Variants in SMARCA2 observed in about 807,000 individuals in gnomAD.
The protein encoded by SMARCA2 is SWI/SNF-related matrix-associated actin-dependent regulator of chromatin subfamily A member 2.
Under a neutral mutation model 199.8 loss-of-function variants are expected in SMARCA2, and 61 were observed. The ratio of observed to expected loss-of-function variants is 0.31; its 90% confidence interval spans 0.25 to 0.38. The LOEUF (loss-of-function observed/expected upper bound fraction) is 0.38, where lower values mean the gene tolerates loss of function less well. Among genes scored for constraint, SMARCA2 ranks in the 10% least tolerant of loss-of-function variants. The probability of loss-of-function intolerance (pLI) is 1.00; values close to 1 mark genes in which losing one functional copy is unlikely to be tolerated. For missense variants in SMARCA2, 1,344 were observed against 2,012.2 expected, an observed-to-expected ratio of 0.67 and a Z score of 6.35; for synonymous variants, 935 against 732.0, an observed-to-expected ratio of 1.28 and a Z score of -4.48.
At position 2,123,394 on chromosome 9, in the gene SMARCA2, G is replaced by A. The variant is rs1209691168; in HGVS notation, c.3763-325G>A. Among the ~76,000 whole-genome samples, 5 of 152,184 alleles carry A rather than the reference G, an allele frequency of 3.3e-5. No individual in the cohort carries two copies. The highest frequency in any genetic ancestry group is 1.5e-5 in the Non-Finnish European group (1 of 68,028). ...AGCCAAGAGGTCATATTTTTAAAAT[G>A]CATTCCCAATTTGAATTTTTCCACT... On this transcript the variant is annotated intron_variant, in intron 26 of 33. Transcript: ENST00000349721. The surrounding 1 kb of genome is among the most constrained non-coding windows in gnomAD (Gnocchi z 4.1).
intron 1 of SMARCA2, among the ~76,000 whole-genome samples, chr9:2,020,285 T>C (rs1350303135): frequency 6.6e-6 from 1 of 152,148 alleles, no homozygotes; most frequent in African/African-American, 2.4e-5. Flanking sequence ...AATATTGTGT[T>C]TTGGAGATGT....
chr9:2,039,080 T>C lies in SMARCA2; in HGVS notation c.356-386T>C, dbSNP rs1819460582. On this transcript the variant is annotated intron_variant, in intron 3 of 33. Transcript: ENST00000349721. The surrounding 1 kb of genome is among the most constrained non-coding windows in gnomAD (Gnocchi z 4.8). ...CACTTGAAGTGTGGTTAGTTCGAAT[T>C]GAGATGTCCTTTAAGTGTAAAATAT... Among the ~76,000 whole-genome samples, 1 of 152,140 alleles carries C rather than the reference T, an allele frequency of 6.6e-6. No homozygotes were observed. The highest frequency in any genetic ancestry group is 2.1e-4 in the South Asian group (1 of 4,822).
chr9:2,083,961 C>T (rs1488135246), intron 16 of SMARCA2, 125 bp from the exon 17 acceptor site: 1 of 617,920 alleles, frequency 1.6e-6, no homozygotes, highest in Non-Finnish European at 2.9e-6. Flanking sequence ...ATAGATCAGT[C>T]TATGAGAATG....
chr9:2,100,478 G>T (rs1226932718), intron 21 of SMARCA2, among the ~76,000 whole-genome samples: 1 of 152,056 alleles, frequency 6.6e-6, no homozygotes, highest in African/African-American at 2.4e-5. Flanking sequence ...AAGGCAAGCA[G>T]GTCACTTGAG....
At chr9:2,155,720 CTTTTTTT>C (rs59156319) in intron 27 of SMARCA2, among the ~76,000 whole-genome samples, 1 of 53,152 alleles carries the variant, frequency 1.9e-5, no homozygotes, top group African/African-American at 6.5e-5. Context: ...AAGAGAAAAC[CTTTTTTT>C]TTTTTTTTTT....
At chr9:2,189,584 C>T (rs1827735853) in intron 32 of SMARCA2, among the ~76,000 whole-genome samples, 1 of 152,048 alleles carries the variant, frequency 6.6e-6, no homozygotes, top group Non-Finnish European at 1.5e-5. Context: ...CTTTCGACGT[C>T]CTACATCTTT....
intron 19 of SMARCA2, among the ~76,000 whole-genome samples, chr9:2,093,007 C>T (rs1001245421): frequency 1.3e-5 from 2 of 152,160 alleles, no homozygotes; most frequent in African/African-American, 4.8e-5. Flanking sequence ...TCAGTCCATC[C>T]CTTTTCTTGA....
chr9:2,085,427 T>C (rs953301848), intron 17 of SMARCA2, among the ~76,000 whole-genome samples: 1 of 152,194 alleles, frequency 6.6e-6, no homozygotes, highest in African/African-American at 2.4e-5. Flanking sequence ...GAAGACCTAA[T>C]TAGTAGTAGA....
At chr9:2,176,182 G>GTTT (rs56186732) in intron 29 of SMARCA2, among the ~76,000 whole-genome samples, 41 of 104,050 alleles carry the variant, frequency 3.9e-4, no homozygotes, top group Admixed American at 4.7e-4. Flanking sequence ...CGCCCGGCCT[G>GTTT]TTTTTTTTTT....
intron 27 of SMARCA2, among the ~76,000 whole-genome samples, chr9:2,152,318 G>C (rs191418783): frequency 3.3e-5 from 5 of 152,284 alleles, no homozygotes; most frequent in African/African-American, 1.2e-4. Context: ...TTGGGTGGCC[G>C]GGGCAGGTGG....
chr9:2,189,699 A>C (rs1159680636), intron 32 of SMARCA2, among the ~76,000 whole-genome samples: 1 of 152,002 alleles, frequency 6.6e-6, no homozygotes, highest in Non-Finnish European at 1.5e-5. Flanking sequence ...GTCAAGCAGC[A>C]GACAGTGGGT....
intron 19 of SMARCA2, among the ~76,000 whole-genome samples, chr9:2,088,818 G>A (rs1357605554): frequency 1.3e-5 from 2 of 150,888 alleles, no homozygotes; most frequent in Admixed American, 1.3e-4. Context: ...TTCCAAAAGC[G>A]TTCGAGCAGA....
intron 31 of SMARCA2, among the ~76,000 whole-genome samples, chr9:2,184,204 T>A (rs1402967168): frequency 6.6e-6 from 1 of 152,192 alleles, no homozygotes; most frequent in Admixed American, 6.5e-5. Flanking sequence ...TTCGGACTGA[T>A]ACTATGATCA....
At chr9:2,160,521 G>A (rs932581240) in intron 27 of SMARCA2, 5 of 659,006 alleles carry the variant, frequency 7.6e-6, no homozygotes, top group Non-Finnish European at 1.4e-5. Flanking sequence ...GTACATAAGT[G>A]AAAGAAATTA....
intron 27 of SMARCA2, among the ~76,000 whole-genome samples, chr9:2,126,924 C>A (rs1202527533): frequency 6.6e-6 from 1 of 152,196 alleles, no homozygotes; most frequent in Non-Finnish European, 1.5e-5. Flanking sequence ...CTTGTAGCTT[C>A]TCCTCAGAGG....
intron 19 of SMARCA2, among the ~76,000 whole-genome samples, chr9:2,094,895 T>C (rs1482272473): frequency 6.6e-6 from 1 of 152,136 alleles, no homozygotes; most frequent in Non-Finnish European, 1.5e-5. Context: ...TTCTTTACCC[T>C]TATCAAATGT....
intron 27 of SMARCA2, chr9:2,160,812 CT>C (rs377563772): frequency 0.035 from 9,810 of 283,810 alleles, no homozygotes; most frequent in Middle Eastern, 0.047. Context: ...ATTTTATGTT[CT>C]TTTTTTTTTT....
In SMARCA2 at chr9:2,056,068, A is replaced by G. The variant is rs1320024317; in HGVS notation, c.1174-604A>G. On this transcript the variant is annotated intron_variant, in intron 6 of 33. Coordinates refer to ENST00000349721, the MANE Select transcript of SMARCA2 (RefSeq NM_003070.5). This position sits in a 1 kb window ranked among gnomAD's most constrained non-coding sequence, Gnocchi z 4.0. ...CACCACATAACATGCAATACAGATA[A>G]AAGTATTACATTTGTGATCTGAAAT... is the stretch of plus-strand genomic sequence containing the variant. 5.3e-5 allele frequency among the ~76,000 whole-genome samples: 8 copies of G among 152,216 alleles called. No individual in the cohort carries two copies. The highest frequency in any genetic ancestry group is 3.2e-3 in the Middle Eastern group (1 of 316).
Position 2,192,866 on chromosome 9 carries a change from T to C in SMARCA2, c.*127T>C. The C allele has an allele frequency of 1.4e-6, 1 of 720,318 alleles. No homozygotes were observed. The highest frequency in any genetic ancestry group is 1.6e-5 in the South Asian group (1 of 61,136). 44.6% of individuals were successfully genotyped at this position (720,318 alleles called of 1,614,324 possible). On this transcript the variant is annotated 3_prime_UTR_variant, in exon 34 of 34. Transcript: ENST00000349721. ...TATCATCATCGTCTATAAACTAGCT[T>C]TAGGATAGTGCCAGACAAACATATG...
Sources: allele counts gnomAD v4.1 joint callset (sites outside exome capture counted in the v4.1 genomes callset), GRCh38; gene constraint gnomAD v4.1.1; non-coding constraint Gnocchi (gnomAD v3.1); transcripts MANE v1.5; gene names NCBI Gene and HGNC (gene_info 2026-07-23, HGNC 2026-07-21).